Variants in CACNA2D3 observed in about 807,000 individuals in gnomAD.
The protein encoded by CACNA2D3 is voltage-dependent calcium channel subunit alpha-2/delta-3.
CACNA2D3 carries 60 observed loss-of-function variants against 160.6 expected under a neutral mutation model. The ratio of observed to expected loss-of-function variants is 0.37; its 90% CI spans 0.30 to 0.46. The LOEUF (loss-of-function observed/expected upper bound fraction) is 0.46, where lower values mean the gene tolerates loss of function less well. Among genes scored for constraint, CACNA2D3 ranks in the 20% least tolerant of loss-of-function variants. CACNA2D3 has a pLI of 1.00. For missense variants in CACNA2D3, 1,205 were observed against 1,365.0 expected, an observed-to-expected ratio of 0.88 and a Z score of 1.85; for synonymous variants, 558 against 492.9, an observed-to-expected ratio of 1.13 and a Z score of -1.75.
intron 4 of CACNA2D3, among the ~76,000 whole-genome samples, chr3:54,450,066 A>G (rs1028510168): frequency 2.0e-5 from 3 of 152,124 alleles, no homozygotes; most frequent in African/African-American, 7.2e-5. Context: ...AGCTAAGTCA[A>G]TCTACAAATC....
chr3:54,320,531 G>A lies in CACNA2D3; in HGVS notation c.294G>A (p.Met98Ile), dbSNP rs1042051627. 1.3e-6 allele frequency: 2 copies of A among 1,565,006 alleles called. No individual in the cohort carries two copies. The highest frequency in any genetic ancestry group is 3.8e-5 in the Admixed American group (2 of 52,644). Residue 98 changes from methionine (M) to isoleucine (I), a missense_variant, in exon 3 of 38, where the codon ATG becomes ATA. Coordinates refer to ENST00000474759, the MANE Select transcript of CACNA2D3 (RefSeq NM_018398.3). ...AGCTGGCAAAGAACATGGAAGAGAT[G>A]TTTCACAAGAAGTCTGAGGCCGTCA... ...VKKLAKNMEEMFHKKSEAVRR... is the reference protein window; with the variant it reads ...VKKLAKNMEEIFHKKSEAVRR...
intron 2 of CACNA2D3, among the ~76,000 whole-genome samples, chr3:54,234,407 TGG>T (rs1701835975): frequency 6.6e-6 from 1 of 152,228 alleles, no homozygotes; most frequent in African/African-American, 2.4e-5. Flanking sequence ...ACACTGTCGA[TGG>T]GAGTGTAAAT....
At chr3:54,358,070 G>C (rs1559459805) in intron 3 of CACNA2D3, among the ~76,000 whole-genome samples, 2 of 152,178 alleles carry the variant, frequency 1.3e-5, no homozygotes, top group Admixed American at 6.5e-5. Context: ...AATAATGATG[G>C]CTCATCAGTT....
At chr3:54,380,662 C>T (rs13319164) in intron 3 of CACNA2D3, among the ~76,000 whole-genome samples, 40 of 151,982 alleles carry the variant, frequency 2.6e-4, no homozygotes, top group African/African-American at 8.2e-4. Context: ...GGTGTGAACC[C>T]GGGAGGGGAG....
chr3:54,351,441 A>T lies in CACNA2D3; in HGVS notation c.321+30883A>T, dbSNP rs147300878. Reference sequence around the variant, plus strand: ...GATTGTTGGAATGGTGTTCAAACTAATAAAGTGTTTGTGTTCTCTGCTCAA... The same window carrying T: ...GATTGTTGGAATGGTGTTCAAACTATTAAAGTGTTTGTGTTCTCTGCTCAA... On this transcript the variant is annotated intron_variant, in intron 3 of 37. Transcript: ENST00000474759. 2.4e-4 allele frequency among the ~76,000 whole-genome samples: 36 copies of T among 152,276 alleles called. No individual in the cohort carries two copies. In the East Asian group the frequency reaches 7.0e-3, roughly 29 times the overall value.
intron 3 of CACNA2D3, among the ~76,000 whole-genome samples, chr3:54,363,669 G>A (rs1159429718): frequency 6.6e-6 from 1 of 152,112 alleles, no homozygotes; most frequent in Non-Finnish European, 1.5e-5. Flanking sequence ...CTGTCTTACT[G>A]GCCTGCCAAG....
intron 4 of CACNA2D3, among the ~76,000 whole-genome samples, chr3:54,459,450 T>A (rs1382923276): frequency 1.3e-5 from 2 of 150,028 alleles, no homozygotes; most frequent in Admixed American, 6.7e-5. Flanking sequence ...CCTGACTTTT[T>A]AATGATCGCC....
Position 54,571,612 on chromosome 3 carries a change from AGTGTGTGTGTGTGT to A in CACNA2D3, c.888+1542_888+1555del, listed in dbSNP as rs58652360. ...CTTTGAGTCCTTGAGCACTTAACCAAGTGTGTGTGTGTGTGTGTGTGTGTGTGTGTGTGTGTGTG... is the reference window on the plus strand; with the variant it reads ...CTTTGAGTCCTTGAGCACTTAACCAAGTGTGTGTGTGTGTGTGTGTGTGTG... On this transcript the variant is annotated intron_variant, in intron 8 of 37. Coordinates refer to ENST00000474759, the MANE Select transcript of CACNA2D3 (RefSeq NM_018398.3). Among the ~76,000 whole-genome samples, 1,330 of 136,306 alleles carry A rather than the reference AGTGTGTGTGTGTGT, an allele frequency of 9.8e-3. 11 individuals carry two copies. The highest frequency in any genetic ancestry group is 0.012 in the Non-Finnish European group (741 of 63,400). The allele number at this position is 136,306 out of a possible 152,430, so 89.4% of individuals were successfully genotyped here. A position where few individuals can be genotyped will look rare whatever the true frequency, so the allele number is the denominator to read the frequency against.
intron 4 of CACNA2D3, among the ~76,000 whole-genome samples, chr3:54,475,655 T>C (rs1700815550): frequency 6.6e-6 from 1 of 152,184 alleles, no homozygotes; most frequent in Non-Finnish European, 1.5e-5. Context: ...AGAGTCAAAC[T>C]GCTTGCCAAG....
chr3:54,801,135 C>T (rs1702977263), intron 13 of CACNA2D3, among the ~76,000 whole-genome samples: 2 of 151,960 alleles, frequency 1.3e-5, no homozygotes, highest in Admixed American at 1.3e-4. Flanking sequence ...TATAGGCACC[C>T]AGCACCACGC....
chr3:54,660,994 T>C (rs1229274896), intron 11 of CACNA2D3, among the ~76,000 whole-genome samples: 1 of 152,196 alleles, frequency 6.6e-6, no homozygotes, highest in Non-Finnish European at 1.5e-5. Context: ...ATGTTAACTG[T>C]CCAGAGTGAA....
intron 2 of CACNA2D3, among the ~76,000 whole-genome samples, chr3:54,311,320 C>A (rs974435831): frequency 6.6e-5 from 10 of 152,176 alleles, no homozygotes; most frequent in Non-Finnish European, 1.0e-4. Flanking sequence ...CTCCTTGCTG[C>A]CCCTTTCTAT....
Position 54,896,789 on chromosome 3 carries a change from G to A in CACNA2D3, c.2287G>A (p.Ala763Thr), listed in dbSNP as rs755514944. The A allele has an allele frequency of 6.2e-6, 10 of 1,613,954 alleles. No homozygotes were observed. Among genetic ancestry groups the A allele is most frequent in the East Asian group, 4.5e-5 (2 of 44,878 alleles). The change falls in exon 26 of 38, where the codon GCA becomes ACA. Residue 763 changes from alanine to threonine, a missense_variant. Coordinates refer to ENST00000474759, the MANE Select transcript of CACNA2D3 (RefSeq NM_018398.3). ...TGGCGACAAGGAGAACATTTTTAAC[G>A]CAGACCATTTCCCTCTCTGGTACCG... Reference protein sequence around the residue: ...KAGDKENIFNADHFPLWYRRA... With the variant: ...KAGDKENIFNTDHFPLWYRRA...
intron 12 of CACNA2D3, among the ~76,000 whole-genome samples, chr3:54,757,150 T>G (rs899405987): frequency 2.0e-5 from 3 of 152,136 alleles, no homozygotes; most frequent in Non-Finnish European, 4.4e-5. Context: ...ATGCCAAGAT[T>G]TTAAATAAGC....
intron 9 of CACNA2D3, among the ~76,000 whole-genome samples, chr3:54,595,326 GTGTGTGTGTGTGT>G (rs1702934706): frequency 1.3e-5 from 2 of 151,306 alleles, no homozygotes; most frequent in Non-Finnish European, 3.0e-5. Flanking sequence ...GTGTGTGTGT[GTGTGTGTGTGTGT>G]GTGTGTGTGT....
intron 11 of CACNA2D3, among the ~76,000 whole-genome samples, chr3:54,751,845 C>T (rs1368352553): frequency 6.6e-6 from 1 of 152,118 alleles, no homozygotes; most frequent in Non-Finnish European, 1.5e-5. Context: ...GACCCACATA[C>T]CATTTTAAAT....
At chr3:54,281,134 G>C (rs1258426216) in intron 2 of CACNA2D3, among the ~76,000 whole-genome samples, 1 of 152,138 alleles carries the variant, frequency 6.6e-6, no homozygotes, top group Non-Finnish European at 1.5e-5. Context: ...AGAGGAGGAG[G>C]ACAGCACCAT....
chr3:54,550,940 G>A (rs376011761), intron 5 of CACNA2D3, among the ~76,000 whole-genome samples: 2 of 152,102 alleles, frequency 1.3e-5, no homozygotes, highest in East Asian at 1.9e-4. Context: ...CCTTGTACAG[G>A]TGCCCTCATG....
At chr3:54,756,376 C>T (rs899404327) in intron 12 of CACNA2D3, among the ~76,000 whole-genome samples, 4 of 152,136 alleles carry the variant, frequency 2.6e-5, no homozygotes, top group African/African-American at 7.2e-5. Flanking sequence ...CTTCACGTTG[C>T]GTCAGTTAAG....
Sources: gnomAD v4.1 joint callset for allele counts (sites outside exome capture counted in the v4.1 genomes callset) on GRCh38, gnomAD v4.1.1 for gene constraint, MANE v1.5 for transcripts, NCBI Gene and HGNC (gene_info 2026-07-23, HGNC 2026-07-21) for gene names.